CLEC5A: variants seen among roughly 807,000 people sequenced by gnomAD.
CLEC5A encodes C-type lectin domain containing 5A.
A neutral mutation model predicts 24.4 loss-of-function variants in CLEC5A; 15 were observed. The ratio of observed to expected loss-of-function variants is 0.62; its 90% CI spans 0.41 to 0.95. The LOEUF is 0.95. Ranked by LOEUF, CLEC5A falls within the 40% of genes least tolerant of loss-of-function variation. The pLI, the probability that CLEC5A is intolerant of heterozygous loss-of-function variation, is 0.00. For synonymous variants in CLEC5A, 71 were observed against 72.6 expected (o/e 0.98, Z 0.11); for missense variants, 211 against 224.0 (o/e 0.94, Z 0.37).
Position 141,929,927 on chromosome 7 carries a change from G to T in CLEC5A, c.*177C>A. On this transcript the variant is annotated 3_prime_UTR_variant, in exon 7 of 7. Transcript: ENST00000546910. The stretch of plus-strand genomic sequence containing the variant: ...GAGTTGTTTCCGTAAAACTGATCCT[G>T]TCTCCTGGAGATGGCTAGCATCCAG... The T allele has an allele frequency of 1.7e-6, 1 of 576,836 alleles. No homozygotes were observed. The highest frequency in any genetic ancestry group is 3.1e-6 in the Non-Finnish European group (1 of 323,504). The allele number at this position is 576,836 out of a possible 1,614,324, so 35.7% of individuals were successfully genotyped here.
At chr7:141,943,831 A>G in intron 4 of CLEC5A, 65 bp downstream of exon 4, 1 of 1,114,448 alleles carries the variant, frequency 9.0e-7, no homozygotes, top group East Asian at 2.4e-5. Context: ...AATGGGAGAA[A>G]TCTCTAAGAA....
chr7:141,937,912 T>C (rs1318667437), intron 4 of CLEC5A, among the ~76,000 whole-genome samples: 1 of 152,212 alleles, frequency 6.6e-6, no homozygotes, highest in Non-Finnish European at 1.5e-5. Flanking sequence ...TCAGATCTTA[T>C]CCAAGACCAA....
chr7:141,946,470 C>T (rs567894997), intron 1 of CLEC5A, among the ~76,000 whole-genome samples, 158 bp from the exon 2 acceptor site: 82 of 152,210 alleles, frequency 5.4e-4, no homozygotes, highest in African/African-American at 1.7e-3. Flanking sequence ...GCGTGGGCCG[C>T]GAACACAGAA....
intron 2 of CLEC5A, 92 bp downstream of exon 2, chr7:141,946,122 T>C: frequency 7.2e-7 from 1 of 1,384,912 alleles, no homozygotes; most frequent in Non-Finnish European, 9.9e-7. Flanking sequence ...GACTTGGATA[T>C]GTAACCTTTA....
chr7:141,945,127 C>G (rs1802915456), intron 3 of CLEC5A, among the ~76,000 whole-genome samples: 1 of 152,290 alleles, frequency 6.6e-6, no homozygotes. Context: ...TATAAATCAT[C>G]CCCATATCCA....
intron 4 of CLEC5A, among the ~76,000 whole-genome samples, chr7:141,939,283 T>C (rs1461689410): frequency 6.6e-6 from 1 of 152,070 alleles, no homozygotes; most frequent in African/African-American, 2.4e-5. Context: ...GGAGACAAAG[T>C]TAAAATGTAG....
chr7:141,943,869 G>T (rs781793747), intron 4 of CLEC5A, 27 bp downstream of exon 4: 1 of 1,440,532 alleles, frequency 6.9e-7, no homozygotes, highest in Admixed American at 1.7e-5. Context: ...TAGGGGATGG[G>T]GAGTAGGTTG....
intron 5 of CLEC5A, among the ~76,000 whole-genome samples, chr7:141,934,114 C>T (rs1222039846): frequency 7.2e-5 from 11 of 152,144 alleles, no homozygotes; most frequent in Non-Finnish European, 1.6e-4. Flanking sequence ...TGGTCATGAA[C>T]CTGACATATG....
At chr7:141,934,347 A>G (rs1802552099) in intron 5 of CLEC5A, among the ~76,000 whole-genome samples, 1 of 152,166 alleles carries the variant, frequency 6.6e-6, no homozygotes, top group Admixed American at 6.5e-5. Flanking sequence ...ATAATTGAGG[A>G]AGAAAAGAGA....
intron 2 of CLEC5A, among the ~76,000 whole-genome samples, chr7:141,945,638 A>C (rs1409747185): frequency 1.3e-5 from 2 of 152,154 alleles, no homozygotes; most frequent in Non-Finnish European, 2.9e-5. Flanking sequence ...TGAGGAAGAC[A>C]CCTCTTAGCT....
chr7:141,945,918 G>T (rs1168963420), intron 2 of CLEC5A: 1 of 386,000 alleles, frequency 2.6e-6, no homozygotes, highest in Non-Finnish European at 4.7e-6. Context: ...AACAAGCGCT[G>T]CCAAGTACTT....
chr7:141,940,954 A>C (rs1355746569), intron 4 of CLEC5A, among the ~76,000 whole-genome samples: 1 of 152,120 alleles, frequency 6.6e-6, no homozygotes, highest in Non-Finnish European at 1.5e-5. Context: ...CCCAATAAAG[A>C]AAAGCCCAGG....
In CLEC5A at chr7:141,930,205, T is replaced by A; in HGVS notation, c.466A>T (p.Asn156Tyr). 1 of 1,613,384 alleles carries A rather than the reference T, an allele frequency of 6.2e-7. No individual in the cohort carries two copies. Among genetic ancestry groups the A allele is most frequent in the East Asian group, 2.2e-5 (1 of 44,862 alleles). ...ATGGTCGCACAGTTGAAATTCTGAT[T>A]CTGATTGGTAACACTAAATGAGAAA... ...SVFNGNVTNQ[N>Y]QNFNCATIGL... Residue 156 changes from asparagine to tyrosine, a missense_variant, in exon 7 of 7, where the codon AAT becomes TAT. Transcript: ENST00000546910.
intron 2 of CLEC5A, chr7:141,945,959 AGCAAAAGCT>A (rs1802940177): frequency 2.1e-6 from 1 of 472,092 alleles, no homozygotes; most frequent in Admixed American, 3.7e-5. Context: ...ATACTCTACT[AGCAAAAGCT>A]TTGCGTGGCG....
rs1554439805 is a variant in CLEC5A, at chr7:141,928,431, C to T, written c.*1673G>A. 1 of 152,290 alleles carries T rather than the reference C, an allele frequency of 6.6e-6. No homozygotes were observed. The highest frequency in any genetic ancestry group is 1.9e-4 in the East Asian group (1 of 5,196). The allele number at this position is 152,290 out of a possible 1,614,324, so 9.4% of individuals were successfully genotyped here. ...CTGGGGCTTGCCTTTGGCTAGAGTT[C>T]TGTTGATATTTTTCTCCACCTAGAC... On this transcript the variant is annotated 3_prime_UTR_variant, in exon 7 of 7. Coordinates refer to ENST00000546910, the MANE Select transcript of CLEC5A (RefSeq NM_013252.3).
Position 141,931,727 on chromosome 7 carries a change from T to C in CLEC5A, c.445A>G (p.Asn149Asp), listed in dbSNP as rs1554440379. ...TGTGGCATGTTCACGTACTTGCCAT[T>C]GAACACAGAGTTGTTGATCCAACGC... ...RWRWINNSVF[N>D]GNVTNQNQNF... is the part of the protein sequence containing the mutation. Residue 149 changes from asparagine (N) to aspartate (D), a missense_variant, in exon 6 of 7, where the codon AAT becomes GAT. Physicochemically the swap from Asn to Asp is conservative, Grantham distance 23. Coordinates refer to ENST00000546910, the MANE Select transcript of CLEC5A (RefSeq NM_013252.3). 5 of 1,561,232 alleles carry C rather than the reference T, an allele frequency of 3.2e-6. No homozygotes were observed. The highest frequency in any genetic ancestry group is 8.8e-7 in the Non-Finnish European group (1 of 1,131,900).
At chr7:141,944,004 A>G in intron 3 of CLEC5A, 40 bp from the exon 4 acceptor site, 1 of 1,200,778 alleles carries the variant, frequency 8.3e-7, no homozygotes, top group Non-Finnish European at 1.2e-6. Context: ...GGTATGATGA[A>G]TACAACACAG....
In CLEC5A at chr7:141,930,020, G is replaced by A; in HGVS notation, c.*84C>T. 9.6e-7 allele frequency: 1 copy of A among 1,046,022 alleles called. No homozygotes were observed. The highest frequency in any genetic ancestry group is 1.4e-6 in the Non-Finnish European group (1 of 696,330). The allele number at this position is 1,046,022 out of a possible 1,614,324, so 64.8% of individuals were successfully genotyped here. ...AAGGACCGCTACTGGTAGACAGATA[G>A]GTAAGTAAAAGAATCATTGGCCAGA... On this transcript the variant is annotated 3_prime_UTR_variant, in exon 7 of 7. Transcript: ENST00000546910.
In CLEC5A at chr7:141,927,480, G is replaced by T. The variant is rs1428027945; in HGVS notation, c.*2624C>A. ...ATGGAGATTGCATCAGTTAGATTTT[G>T]CTATACGAGAGATAACCAGAAAACT... On this transcript the variant is annotated 3_prime_UTR_variant, in exon 7 of 7. Coordinates refer to ENST00000546910, the MANE Select transcript of CLEC5A (RefSeq NM_013252.3). 3.3e-5 allele frequency: 5 copies of T among 152,218 alleles called. No individual in the cohort carries two copies. Among genetic ancestry groups the T allele is most frequent in the Non-Finnish European group, 1.5e-5 (1 of 68,044 alleles). The allele number at this position is 152,218 out of a possible 1,614,324, so 9.4% of individuals were successfully genotyped here.
Sources: gnomAD v4.1 joint callset for allele counts (sites outside exome capture counted in the v4.1 genomes callset) on GRCh38, gnomAD v4.1.1 for gene constraint, MANE v1.5 for transcripts, NCBI Gene and HGNC (gene_info 2026-07-23, HGNC 2026-07-21) for gene names.